FAM200B: variants seen among roughly 807,000 people sequenced by gnomAD.
FAM200B encodes zinc finger BED-type containing 11.
In FAM200B, 32 loss-of-function variants were observed where a neutral mutation model predicts 33.1. The observed-to-expected ratio is 0.97, with a 90% CI of 0.73 to 1.30. The LOEUF (loss-of-function observed/expected upper bound fraction) is 1.30, where lower values mean the gene tolerates loss of function less well. Among genes scored for constraint, FAM200B ranks in the 50% most tolerant of loss-of-function variants. The probability of loss-of-function intolerance (pLI) is 0.00; values close to 1 mark genes in which losing one functional copy is unlikely to be tolerated. For synonymous variants in FAM200B, 240 were observed against 264.8 expected (o/e 0.91, Z 0.91); for missense variants, 741 against 754.0 (o/e 0.98, Z 0.20).
chr4:15,687,223 C>G lies in FAM200B; in HGVS notation c.246C>G (p.Asp82Glu), dbSNP rs1409380586. The G allele has an allele frequency of 1.9e-6, 3 of 1,540,078 alleles. No homozygotes were observed. The highest frequency in any genetic ancestry group is 1.8e-6 in the Non-Finnish European group (2 of 1,142,522). The change falls in exon 2 of 2, where the codon GAC (aspartate) becomes GAG (glutamate). Residue 82 changes from aspartate to glutamate, a missense_variant. By Grantham distance (45) the Asp-to-Glu change is conservative. Transcript: ENST00000422728. ...FIKCEKPFEN[D>E]RPQCVICNNI... is the part of the protein sequence containing the mutation. ...AATGTGAAAAACCCTTTGAAAATGA[C>G]AGACCTCAGTGTGTTATTTGTAATA...
the FAM200B span, chr4:15,659,843 G>T: frequency 2.0e-6 from 1 of 507,864 alleles, no homozygotes; most frequent in Non-Finnish European, 2.5e-6. Context: ...CATGTGTATG[G>T]CCTGAGGGAA....
chr4:15,688,205 A>C lies in FAM200B; in HGVS notation c.1228A>C (p.Ile410Leu). ...CAGGAATGAGATTCACTTTTTTCTC[A>C]TTGAAAAAAAATCTCATTTGGCAAG... is the stretch of plus-strand genomic sequence containing the variant. Reference protein sequence around the residue: ...ELRNEIHFFLIEKKSHLASIF... With the variant: ...ELRNEIHFFLLEKKSHLASIF... The change falls in exon 2 of 2, where the codon ATT becomes CTT. Residue 410 changes from isoleucine (I) to leucine (L), a missense_variant. By Grantham distance (5) the Ile-to-Leu change is conservative. Transcript: ENST00000422728. 6.4e-7 allele frequency: 1 copy of C among 1,550,826 alleles called. No homozygotes were observed. The highest frequency in any genetic ancestry group is 8.7e-7 in the Non-Finnish European group (1 of 1,146,596).
rs1560263771 is a variant in FAM200B at position 15,687,375 on chromosome 4, C to T, written c.398C>T (p.Thr133Ile). 1 of 1,546,720 alleles carries T rather than the reference C, an allele frequency of 6.5e-7. No homozygotes were observed. Among genetic ancestry groups the T allele is most frequent in the Non-Finnish European group, 8.7e-7 (1 of 1,144,172 alleles). Reference sequence around the variant, plus strand: ...AAGAAAAAAGACATAAAGTTATCAACACAATTTCTTAGTTGTTCTACTGCT... The same window carrying T: ...AAGAAAAAAGACATAAAGTTATCAATACAATTTCTTAGTTGTTCTACTGCT... ...QRKKKDIKLS[T>I]QFLSCSTAVS... Residue 133 changes from threonine to isoleucine, a missense_variant, in exon 2 of 2, where the codon ACA (threonine) becomes ATA (isoleucine). Thr to Ile is a moderately conservative substitution (Grantham distance 89). Coordinates refer to ENST00000422728, the MANE Select transcript of FAM200B (RefSeq NM_001145191.2).
At chr4:15,657,939 A>G in the FAM200B span, among the ~76,000 whole-genome samples, 4 of 152,248 alleles carry the variant, frequency 2.6e-5, no homozygotes, top group African/African-American at 9.6e-5. Flanking sequence ...ATTGACCACC[A>G]CAAGAAGTCT....
the FAM200B span, chr4:15,644,467 G>A: frequency 6.4e-7 from 1 of 1,570,642 alleles, no homozygotes; most frequent in South Asian, 1.1e-5. Context: ...AGTTTTGACA[G>A]TTGAATATCC....
chr4:15,655,161 G>T, the FAM200B span: 1 of 1,343,494 alleles, frequency 7.4e-7, no homozygotes. Flanking sequence ...GCTCCCCATC[G>T]CCGCCCGCAC....
chr4:15,638,797 A>AT, the FAM200B span: 1 of 676,440 alleles, frequency 1.5e-6, no homozygotes, highest in East Asian at 3.1e-5. Context: ...TTATGACCAT[A>AT]TATCTCAAAA....
In FAM200B at chr4:15,687,917, C is replaced by A. The variant is rs1220472281; in HGVS notation, c.940C>A (p.Leu314Ile). Residue 314 changes from leucine (L) to isoleucine (I), a missense_variant, in exon 2 of 2, where the codon CTA becomes ATA. Physicochemically the swap from Leu to Ile is conservative, Grantham distance 5 (BLOSUM62 2). Transcript: ENST00000422728. Reference sequence around the variant, plus strand: ...ACATAGCAGAGTAATTAAAAAATTACTAGAAGTTACTAATAATGGTGCTGT... The same window carrying A: ...ACATAGCAGAGTAATTAAAAAATTAATAGAAGTTACTAATAATGGTGCTGT... ...GKHSRVIKKL[L>I]EVTNNGAVWN... 3 of 1,550,194 alleles carry A rather than the reference C, an allele frequency of 1.9e-6. No individual in the cohort carries two copies. The African/African-American group carries it at 4.1e-5, about 21-fold the overall frequency.
At chr4:15,675,645 C>T in the FAM200B span, among the ~76,000 whole-genome samples, 1 of 144,794 alleles carries the variant, frequency 6.9e-6, no homozygotes, top group East Asian at 2.1e-4. Flanking sequence ...GCAATGGCGC[C>T]ATCTCAGCTC....
chr4:15,659,165 T>A, the FAM200B span, among the ~76,000 whole-genome samples: 36,767 of 152,004 alleles, frequency 0.24, 4,695 homozygotes, highest in African/African-American at 0.28. Flanking sequence ...TTCTTAGCAG[T>A]TTTAAGTACC....
the FAM200B span, among the ~76,000 whole-genome samples, chr4:15,651,404 T>A: frequency 6.6e-6 from 1 of 152,312 alleles, no homozygotes; most frequent in East Asian, 1.9e-4. Flanking sequence ...CAACTTTAAA[T>A]GAAGGATAAT....
chr4:15,688,714 T>C lies in FAM200B; in HGVS notation c.1737T>C (p.Ser579=). The C allele has an allele frequency of 6.4e-7, 1 of 1,550,872 alleles. No individual in the cohort carries two copies. Among genetic ancestry groups the C allele is most frequent in the Non-Finnish European group, 8.7e-7 (1 of 1,146,402 alleles). ...YTLKNDYETL[S]LSAFWMKVKE... is the part of the protein sequence containing the mutation. The stretch of plus-strand genomic sequence containing the variant: ...TGAAGAATGATTATGAAACCTTAAG[T>C]TTATCAGCATTTTGGATGAAGGTAA... The change falls in exon 2 of 2, where the codon AGT becomes AGC. Residue 579 remains serine, a synonymous_variant. Transcript: ENST00000422728.
chr4:15,666,072 C>T, the FAM200B span, among the ~76,000 whole-genome samples: 1 of 151,712 alleles, frequency 6.6e-6, no homozygotes, highest in Non-Finnish European at 1.5e-5. Context: ...TAATACAAAC[C>T]TTTTAGGGTG....
chr4:15,652,795 G>C, the FAM200B span, among the ~76,000 whole-genome samples: 1 of 152,128 alleles, frequency 6.6e-6, no homozygotes, highest in Non-Finnish European at 1.5e-5. Flanking sequence ...TGGGCATTCA[G>C]AGCCCAAATT....
At chr4:15,680,947 GTTTT>G (rs1191851329), upstream of FAM200B, among the ~76,000 whole-genome samples, 2 of 148,148 alleles carry the variant, frequency 1.3e-5, no homozygotes, top group Admixed American at 6.8e-5. Flanking sequence ...TCCTTTATAT[GTTTT>G]TTGTTTCACA....
chr4:15,644,019 C>G, the FAM200B span, among the ~76,000 whole-genome samples: 1 of 152,180 alleles, frequency 6.6e-6, no homozygotes, highest in Admixed American at 6.5e-5. Context: ...ACCTTATACT[C>G]TGTTCTTGTT....
chr4:15,641,610 C>T, the FAM200B span: 2 of 457,930 alleles, frequency 4.4e-6, no homozygotes, highest in African/African-American at 3.9e-5. Context: ...GGTAAGGCTT[C>T]CAGTCAACAG....
chr4:15,687,997 G>T lies in FAM200B; in HGVS notation c.1020G>T (p.Gln340His). ...GTTTAGCATCCAGAGAAATTCCACA[G>T]AATCTCATGGAGGTATTGAAAAATG... ...REGLASREIP[Q>H]NLMEVLKNAV... Residue 340 changes from glutamine (Q) to histidine (H), a missense_variant, in exon 2 of 2, where the codon CAG becomes CAT. By Grantham distance (24) the Gln-to-His change is conservative (BLOSUM62 0). Coordinates refer to ENST00000422728, the MANE Select transcript of FAM200B (RefSeq NM_001145191.2). 1.3e-6 allele frequency: 2 copies of T among 1,551,018 alleles called. No individual in the cohort carries two copies. The highest frequency in any genetic ancestry group is 2.4e-5 in the South Asian group (2 of 84,054).
At chr4:15,673,863 C>A in the FAM200B span, among the ~76,000 whole-genome samples, 1 of 152,172 alleles carries the variant, frequency 6.6e-6, no homozygotes, top group Non-Finnish European at 1.5e-5. Flanking sequence ...TGTACTATGG[C>A]TTAGAAATTC....
Sources: allele counts gnomAD v4.1 joint callset (sites outside exome capture counted in the v4.1 genomes callset), GRCh38; gene constraint gnomAD v4.1.1; transcripts MANE v1.5; gene names NCBI Gene and HGNC (gene_info 2026-07-23, HGNC 2026-07-21).